The following KDM4B variants were observed in gnomAD, a reference collection of about 807,000 sequenced individuals.
KDM4B encodes the protein lysine-specific demethylase 4B.
Under a neutral mutation model 125.2 loss-of-function variants are expected in KDM4B, and 32 were observed. The ratio of observed to expected loss-of-function variants is 0.26; its 90% CI spans 0.19 to 0.34. The LOEUF (loss-of-function observed/expected upper bound fraction) is 0.34, where lower values mean the gene tolerates loss of function less well. KDM4B is among the 10% of genes least tolerant of loss of function. KDM4B has a pLI of 1.00. For synonymous variants in KDM4B, 721 were observed against 677.9 expected, an observed-to-expected ratio of 1.06 and a Z score of -0.99; for missense variants, 1,190 against 1,577.7, an observed-to-expected ratio of 0.75 and a Z score of 4.16.
Position 5,148,719 on chromosome 19 carries a change from C to T in KDM4B, c.3022-1639C>T, listed in dbSNP as rs562984351. Among the ~76,000 whole-genome samples the T allele has an allele frequency of 7.9e-5, 12 of 152,232 alleles. No individual in the cohort carries two copies. In the South Asian group the frequency reaches 1.5e-3, roughly 18 times the overall value. On this transcript the variant is annotated intron_variant, in intron 21 of 22. Transcript: ENST00000159111. ...GGAGCCTCCAAAACCCGCTGCTGCCCGTGGCAAAGCGGAGCCTGGCCACGC... is the reference window on the plus strand; with the variant it reads ...GGAGCCTCCAAAACCCGCTGCTGCCTGTGGCAAAGCGGAGCCTGGCCACGC...
Position 4,971,416 on chromosome 19 carries a change from C to T in KDM4B, c.-109+2186C>T, listed in dbSNP as rs2034254893. Among the ~76,000 whole-genome samples, 1 of 144,554 alleles carries T rather than the reference C, an allele frequency of 6.9e-6. No homozygotes were observed. The highest frequency in any genetic ancestry group is 1.5e-5 in the Non-Finnish European group (1 of 66,792). The allele number at this position is 144,554 out of a possible 152,430, so 94.8% of individuals were successfully genotyped here. ...GCCTGTACTTTAATTCCTAATTTCT[C>T]TGTCTCCTCTGCTGGTTTCCTGCCC... On this transcript the variant is annotated intron_variant, in intron 1 of 22. Coordinates refer to ENST00000159111, the MANE Select transcript of KDM4B (RefSeq NM_015015.3). The surrounding 1 kb of genome is among the most constrained non-coding windows in gnomAD (Gnocchi z 4.1).
At chr19:5,047,339 G>A in intron 5 of KDM4B, 137 bp from the exon 6 acceptor site, 1 of 727,604 alleles carries the variant, frequency 1.4e-6, no homozygotes. Context: ...ACCGGCCCCT[G>A]GGGGGGCCGC....
intron 6 of KDM4B, among the ~76,000 whole-genome samples, chr19:5,062,836 A>C (rs960619638): frequency 2.9e-5 from 4 of 137,216 alleles, no homozygotes; most frequent in African/African-American, 1.1e-4. Context: ...GTTGGAGTGC[A>C]GTGGTGCAGT....
intron 11 of KDM4B, among the ~76,000 whole-genome samples, chr19:5,125,505 G>A (rs1003922922): frequency 5.9e-5 from 9 of 152,252 alleles, no homozygotes; most frequent in Non-Finnish European, 1.0e-4. Context: ...TGGCGTAGGT[G>A]AGGCCCTGGC....
intron 2 of KDM4B, among the ~76,000 whole-genome samples, chr19:5,026,212 C>T (rs1422017717): frequency 6.8e-6 from 1 of 147,572 alleles, no homozygotes; most frequent in Non-Finnish European, 1.5e-5. Context: ...TTGCCCTGGT[C>T]TCCCAGCTTC....
intron 9 of KDM4B, among the ~76,000 whole-genome samples, chr19:5,095,077 C>T (rs556671347): frequency 3.9e-5 from 6 of 152,278 alleles, no homozygotes; most frequent in East Asian, 3.9e-4. Context: ...GCCCTCCCCA[C>T]GCCAGGATCG....
intron 18 of KDM4B, among the ~76,000 whole-genome samples, chr19:5,143,618 C>T (rs886745575): frequency 2.6e-5 from 4 of 152,112 alleles, no homozygotes; most frequent in African/African-American, 9.7e-5. Context: ...TCTGGCTGAG[C>T]GACACCACGT....
rs970892005 is a variant in KDM4B, at chr19:5,035,042, C to T, written c.141+2011C>T. On this transcript the variant is annotated intron_variant, in intron 3 of 22. Transcript: ENST00000159111. The surrounding 1 kb of genome is among the most constrained non-coding windows in gnomAD (Gnocchi z 5.3). ...GTGGGAATGATGGCACATCTGTGTC[C>T]GGGTCAGAACGGTGGGGGCTGCTGC... 3.9e-5 allele frequency among the ~76,000 whole-genome samples: 6 copies of T among 152,232 alleles called. No homozygotes were observed. Among genetic ancestry groups the T allele is most frequent in the South Asian group, 4.1e-4 (2 of 4,824 alleles).
At chr19:5,063,259 C>T (rs1488646451) in intron 6 of KDM4B, among the ~76,000 whole-genome samples, 3 of 152,174 alleles carry the variant, frequency 2.0e-5, no homozygotes, top group Admixed American at 6.5e-5. Flanking sequence ...GTGCTTGACT[C>T]ACTAATGCTG....
rs140358960 is a variant in KDM4B, at chr19:5,052,260, G to A, written c.626+4591G>A. On this transcript the variant is annotated intron_variant, in intron 6 of 22. Transcript: ENST00000159111. ...AACTTGAGTCCTAGCAGGCATAGCC[G>A]TCTTTTGCTTCATGGGTGTCCCTGG... Among the ~76,000 whole-genome samples the A allele has an allele frequency of 6.5e-3, 994 of 151,906 alleles. 13 individuals carry two copies. The highest frequency in any genetic ancestry group is 0.023 in the African/African-American group (959 of 41,356).
intron 2 of KDM4B, among the ~76,000 whole-genome samples, chr19:5,030,646 G>A (rs772978276): frequency 1.7e-4 from 26 of 152,258 alleles, no homozygotes; most frequent in African/African-American, 3.6e-4. Flanking sequence ...CTGCCAAAGC[G>A]CAGGGGGAGA....
At chr19:5,002,943 C>T (rs1003730453) in intron 1 of KDM4B, among the ~76,000 whole-genome samples, 1 of 152,072 alleles carries the variant, frequency 6.6e-6, no homozygotes, top group Non-Finnish European at 1.5e-5. Flanking sequence ...AGAGCGAGAC[C>T]CTGTCTCAAC....
chr19:5,107,840 C>G (rs755335503), intron 9 of KDM4B, among the ~76,000 whole-genome samples: 5 of 152,248 alleles, frequency 3.3e-5, no homozygotes, highest in Non-Finnish European at 7.3e-5. Flanking sequence ...CCTGTGTCCT[C>G]GAAGGCTGTG....
chr19:4,994,020 GTTTTTTTTTTTTT>G (rs55641886), intron 1 of KDM4B, among the ~76,000 whole-genome samples: 2 of 66,710 alleles, frequency 3.0e-5, no homozygotes, highest in Non-Finnish European at 5.4e-5. Flanking sequence ...TTTTCAGCCT[GTTTTTTTTTTTTT>G]TTTTTTTTTG....
chr19:5,144,200 CA>C, intron 19 of KDM4B, 47 bp from the exon 20 acceptor site: 1 of 1,585,100 alleles, frequency 6.3e-7, no homozygotes, highest in South Asian at 1.1e-5. Context: ...CTCCCGCCCC[CA>C]CCGACACCCG....
chr19:5,013,692 G>T (rs1052538761), intron 1 of KDM4B, among the ~76,000 whole-genome samples: 3 of 152,204 alleles, frequency 2.0e-5, no homozygotes, highest in African/African-American at 7.2e-5. Flanking sequence ...TGAGGAGGCT[G>T]TGAGGACATT....
At chr19:5,111,632 C>A in intron 10 of KDM4B, 1 of 700,244 alleles carries the variant, frequency 1.4e-6, no homozygotes, top group Non-Finnish European at 2.6e-6. Context: ...GTCGACAGAT[C>A]TCACTCCTGT....
chr19:4,991,250 A>G (rs2035022706), intron 1 of KDM4B, among the ~76,000 whole-genome samples: 2 of 151,282 alleles, frequency 1.3e-5, no homozygotes, highest in Admixed American at 6.6e-5. Flanking sequence ...ACCCATGGCA[A>G]CCCCCCCTGC....
At chr19:5,012,336 C>T (rs2145494248) in intron 1 of KDM4B, among the ~76,000 whole-genome samples, 1 of 152,230 alleles carries the variant, frequency 6.6e-6, no homozygotes, top group East Asian at 1.9e-4. Context: ...GAACATCCTG[C>T]CTGTTGTGGC....
Sources: gnomAD v4.1 joint callset for allele counts (sites outside exome capture counted in the v4.1 genomes callset) on GRCh38, gnomAD v4.1.1 for gene constraint, Gnocchi (gnomAD v3.1) non-coding constraint, MANE v1.5 for transcripts, NCBI Gene and HGNC (gene_info 2026-07-23, HGNC 2026-07-21) for gene names.